FKTN: variants seen among roughly 807,000 people sequenced by gnomAD.
FKTN encodes ribitol-5-phosphate transferase FKTN.
A neutral mutation model predicts 58.6 loss-of-function variants in FKTN; 47 were observed. The ratio of observed to expected loss-of-function variants is 0.80; its 90% CI spans 0.63 to 1.02. The LOEUF (loss-of-function observed/expected upper bound fraction) is 1.02, where lower values mean the gene tolerates loss of function less well. Among genes scored for constraint, FKTN ranks in the 50% least tolerant of loss-of-function variants. The pLI is 0.00. For synonymous variants in FKTN, 178 were observed against 191.9 expected, an observed-to-expected ratio of 0.93 and a Z score of 0.60; for missense variants, 516 against 537.3, an observed-to-expected ratio of 0.96 and a Z score of 0.39.
At chr9:105,598,586 C>T (rs1240054045) in intron 4 of FKTN, 1 of 152,268 alleles carries the variant, frequency 6.6e-6, no homozygotes, top group East Asian at 1.9e-4. Flanking sequence ...AAATGAGTTA[C>T]TGAAGGTCAG....
intron 7 of FKTN, 81 bp from the exon 8 acceptor site, chr9:105,615,197 C>A: frequency 6.6e-7 from 1 of 1,509,376 alleles, no homozygotes; most frequent in South Asian, 1.1e-5. Flanking sequence ...GGTTAATTTT[C>A]AAATTTAATT....
chr9:105,571,539 G>A (rs1027175546), intron 1 of FKTN, among the ~76,000 whole-genome samples: 1 of 152,126 alleles, frequency 6.6e-6, no homozygotes, highest in Non-Finnish European at 1.5e-5. Context: ...TTGTAAACTA[G>A]AGAAGAAAGA....
At chr9:105,611,451 C>A (rs1829890724) in intron 7 of FKTN, among the ~76,000 whole-genome samples, 1 of 152,074 alleles carries the variant, frequency 6.6e-6, no homozygotes, top group African/African-American at 2.4e-5. Flanking sequence ...TATTTCACCA[C>A]CCAAGTATTA....
At chr9:105,581,640 C>G (rs1026524250) in intron 3 of FKTN, among the ~76,000 whole-genome samples, 1 of 152,182 alleles carries the variant, frequency 6.6e-6, no homozygotes, top group East Asian at 1.9e-4. Context: ...GCCCTGCCCC[C>G]AGAGGTGGAG....
chr9:105,624,657 C>G (rs1344404785), intron 10 of FKTN, among the ~76,000 whole-genome samples: 2 of 149,730 alleles, frequency 1.3e-5, no homozygotes, highest in Non-Finnish European at 3.0e-5. Context: ...AGAATCATTA[C>G]TTTTCTCTTA....
chr9:105,564,730 T>A (rs1397853981), intron 1 of FKTN, among the ~76,000 whole-genome samples: 2 of 152,198 alleles, frequency 1.3e-5, no homozygotes, highest in Non-Finnish European at 2.9e-5. Context: ...CTTTGCAGGA[T>A]ATTATCCAGG....
intron 5 of FKTN, among the ~76,000 whole-genome samples, chr9:105,602,013 T>C (rs959772123): frequency 2.0e-5 from 3 of 152,218 alleles, no homozygotes; most frequent in African/African-American, 7.2e-5. Context: ...TTCAGATGCT[T>C]GTATTTAGAA....
At chr9:105,624,283 T>C (rs1013197559) in intron 10 of FKTN, 10 of 152,266 alleles carry the variant, frequency 6.6e-5, no homozygotes, top group African/African-American at 2.4e-4. Context: ...TATCCCAAGG[T>C]ATCTTCTATC....
In FKTN at chr9:105,638,207, G is replaced by A. The variant is rs543640293; in HGVS notation, c.*2943G>A. The A allele has an allele frequency of 2.0e-6, 2 of 985,402 alleles. No homozygotes were observed. Among genetic ancestry groups the A allele is most frequent in the African/African-American group, 3.5e-5 (2 of 57,348 alleles). 61.0% of individuals were successfully genotyped at this position (985,402 alleles called of 1,614,324 possible). On this transcript the variant is annotated 3_prime_UTR_variant, in exon 11 of 11. Transcript: ENST00000357998. ...AATGTCTGTTTCGCATCACAACACAGTATCTTTAACAGTGCTTGAGATGCT... is the reference window on the plus strand; with the variant it reads ...AATGTCTGTTTCGCATCACAACACAATATCTTTAACAGTGCTTGAGATGCT...
At chr9:105,606,157 G>A (rs945333648) in intron 6 of FKTN, among the ~76,000 whole-genome samples, 3 of 151,946 alleles carry the variant, frequency 2.0e-5, no homozygotes, top group Non-Finnish European at 2.9e-5. Flanking sequence ...TAAGCAAGAC[G>A]TACCAAAAAA....
intron 3 of FKTN, among the ~76,000 whole-genome samples, chr9:105,578,215 G>A (rs1039480385): frequency 4.0e-5 from 6 of 150,016 alleles, no homozygotes; most frequent in African/African-American, 1.2e-4. Context: ...TGTTGAATAG[G>A]AGTGGTGAGA....
At chr9:105,614,248 A>G (rs2133073408) in intron 7 of FKTN, among the ~76,000 whole-genome samples, 1 of 152,304 alleles carries the variant, frequency 6.6e-6, no homozygotes, top group East Asian at 1.9e-4. Flanking sequence ...AAGATGACTA[A>G]ATGATATATA....
chr9:105,591,170 A>G (rs1485509865), intron 3 of FKTN, among the ~76,000 whole-genome samples: 2 of 152,082 alleles, frequency 1.3e-5, no homozygotes, highest in Admixed American at 1.3e-4. Context: ...TCTAAACCAT[A>G]TTATTCTGCC....
intron 3 of FKTN, among the ~76,000 whole-genome samples, chr9:105,587,445 A>G (rs1007396848): frequency 9.9e-5 from 15 of 152,182 alleles, no homozygotes; most frequent in Admixed American, 3.9e-4. Flanking sequence ...GCTTTTGAAT[A>G]TTTTTAGTTG....
rs991637583 is a variant in FKTN, at chr9:105,584,688, C to T, written c.105+9551C>T. On this transcript the variant is annotated intron_variant, in intron 3 of 10. Transcript: ENST00000357998. ...TACAAATATTAGCCCAGCATGGTGG[C>T]GTGTGCCTGTAGTCCCAGCTATTCA... Among the ~76,000 whole-genome samples, 6 of 151,954 alleles carry T rather than the reference C, an allele frequency of 3.9e-5. No individual in the cohort carries two copies. In the South Asian group the frequency reaches 6.2e-4, roughly 16 times the overall value.
At chr9:105,584,095 A>G (rs999420368) in intron 3 of FKTN, among the ~76,000 whole-genome samples, 1 of 152,202 alleles carries the variant, frequency 6.6e-6, no homozygotes, top group African/African-American at 2.4e-5. Flanking sequence ...TCTTGAGTTA[A>G]TTACTTGACT....
At position 105,635,498 on chromosome 9, in the gene FKTN, C is replaced by T. The variant is rs1302643224; in HGVS notation, c.*234C>T. On this transcript the variant is annotated 3_prime_UTR_variant, in exon 11 of 11. Coordinates refer to ENST00000357998, the MANE Select transcript of FKTN (RefSeq NM_001079802.2). The stretch of plus-strand genomic sequence containing the variant: ...AAGCCTAGATGAATGAGACAAATAC[C>T]TACTTCTTTTATTCCTCCTTTTGGT... The T allele has an allele frequency of 7.1e-7, 1 of 1,398,930 alleles. No individual in the cohort carries two copies. The highest frequency in any genetic ancestry group is 9.3e-7 in the Non-Finnish European group (1 of 1,079,954). 86.7% of individuals were successfully genotyped at this position (1,398,930 alleles called of 1,614,324 possible).
At position 105,636,592 on chromosome 9, in the gene FKTN, A is replaced by G. The variant is rs1041828344; in HGVS notation, c.*1328A>G. On this transcript the variant is annotated 3_prime_UTR_variant, in exon 11 of 11. Transcript: ENST00000357998. ...GCTGTTTACCCCATCTCTCTCTTATATCACTTGAATGATATATTGTAAGTG... is the reference window on the plus strand; with the variant it reads ...GCTGTTTACCCCATCTCTCTCTTATGTCACTTGAATGATATATTGTAAGTG... The G allele has an allele frequency of 2.7e-6, 3 of 1,116,458 alleles. No individual in the cohort carries two copies. The highest frequency in any genetic ancestry group is 2.3e-6 in the Non-Finnish European group (2 of 887,288). The allele number at this position is 1,116,458 out of a possible 1,614,324, so 69.2% of individuals were successfully genotyped here. A position where few individuals can be genotyped will look rare whatever the true frequency, so the allele number is the denominator to read the frequency against.
chr9:105,584,863 G>A (rs1843633647), intron 3 of FKTN, among the ~76,000 whole-genome samples: 1 of 151,846 alleles, frequency 6.6e-6, no homozygotes, highest in South Asian at 2.1e-4. Flanking sequence ...TAAACCGTTT[G>A]TAGCCCAGTA....
Sources: allele counts gnomAD v4.1 joint callset (sites outside exome capture counted in the v4.1 genomes callset), GRCh38; gene constraint gnomAD v4.1.1; transcripts MANE v1.5; gene names NCBI Gene and HGNC (gene_info 2026-07-23, HGNC 2026-07-21).